Variants in YEATS2 observed in about 807,000 individuals in gnomAD.
The protein encoded by YEATS2 is YEATS domain-containing protein 2.
YEATS2 carries 77 observed loss-of-function variants against 163.2 expected under a neutral mutation model. That is an observed-to-expected ratio of 0.47 (90% CI 0.39 to 0.57). The LOEUF (loss-of-function observed/expected upper bound fraction) is 0.57. Ranked by LOEUF, YEATS2 falls within the 20% of genes least tolerant of loss-of-function variation. The pLI is 0.00. For missense variants in YEATS2, 1,549 were observed against 1,729.8 expected (o/e 0.90, Z 1.85); for synonymous variants, 631 against 645.1 (o/e 0.98, Z 0.33).
chr3:183,732,202 G>A (rs1471647092), intron 7 of YEATS2, among the ~76,000 whole-genome samples: 1 of 150,902 alleles, frequency 6.6e-6, no homozygotes, highest in Non-Finnish European at 1.5e-5. Flanking sequence ...TGTAATCCCA[G>A]CACTTTGGGA....
intron 21 of YEATS2, chr3:183,793,172 C>G: frequency 7.8e-7 from 1 of 1,288,190 alleles, no homozygotes; most frequent in East Asian, 5.6e-5. Context: ...TGAATATCAC[C>G]GAGATACACA....
chr3:183,704,834 G>A (rs1331184682), intron 1 of YEATS2, among the ~76,000 whole-genome samples: 3 of 151,908 alleles, frequency 2.0e-5, no homozygotes, highest in Non-Finnish European at 2.9e-5. Context: ...TTACCACATT[G>A]GCCAGGCTAG....
chr3:183,727,736 G>A (rs1179379013), intron 6 of YEATS2, among the ~76,000 whole-genome samples: 1 of 152,202 alleles, frequency 6.6e-6, no homozygotes, highest in Admixed American at 6.5e-5. Context: ...CATGATCAGG[G>A]TTTAAGGGAA....
chr3:183,718,996 A>C (rs113591637), intron 4 of YEATS2, among the ~76,000 whole-genome samples: 1 of 151,708 alleles, frequency 6.6e-6, no homozygotes. Flanking sequence ...TGCCTGGCCT[A>C]AAATACTTCT....
intron 8 of YEATS2, among the ~76,000 whole-genome samples, chr3:183,743,300 T>G: frequency 6.6e-6 from 1 of 152,068 alleles, no homozygotes; most frequent in East Asian, 1.9e-4. Flanking sequence ...CTGTTTTTGG[T>G]TGGTTTTCTC....
chr3:183,807,790 G>C, intron 28 of YEATS2: 1 of 428,070 alleles, frequency 2.3e-6, no homozygotes, highest in South Asian at 4.0e-5. Context: ...AAGGAGATTT[G>C]AGAGATTTTA....
intron 5 of YEATS2, 139 bp from the exon 6 acceptor site, chr3:183,724,280 A>T (rs1044858298): frequency 6.3e-5 from 38 of 605,416 alleles, no homozygotes; most frequent in Non-Finnish European, 1.0e-4. Context: ...ATGCTTTGAG[A>T]GGTGCTACAA....
intron 21 of YEATS2, among the ~76,000 whole-genome samples, chr3:183,794,625 C>T (rs1010969471): frequency 6.6e-6 from 1 of 152,178 alleles, no homozygotes; most frequent in Non-Finnish European, 1.5e-5. Flanking sequence ...AAATGCGTGA[C>T]CGGCTGAGGG....
chr3:183,708,920 G>T (rs1000302930), intron 1 of YEATS2, among the ~76,000 whole-genome samples: 1 of 151,988 alleles, frequency 6.6e-6, no homozygotes, highest in Non-Finnish European at 1.5e-5. Context: ...CCAGCATTTT[G>T]GGAGGCCGAG....
At chr3:183,760,602 G>A (rs1280609690) in intron 13 of YEATS2, among the ~76,000 whole-genome samples, 8 of 152,160 alleles carry the variant, frequency 5.3e-5, no homozygotes, top group African/African-American at 1.7e-4. Flanking sequence ...GATTACAGGC[G>A]TGAGCCGCTG....
Position 183,737,465 on chromosome 3 carries a change from A to G in YEATS2, c.924+636A>G, listed in dbSNP as rs150909010. Among the ~76,000 whole-genome samples, 128 of 152,358 alleles carry G rather than the reference A, an allele frequency of 8.4e-4. 2 individuals carry two copies. The East Asian group carries it at 0.021, about 25-fold the overall frequency. On this transcript the variant is annotated intron_variant, in intron 8 of 30. Transcript: ENST00000305135. Reference sequence around the variant, plus strand: ...AGAATCACTTTAGAGGACAATGCATATCCTTTAAAAAGATGAACAAAGTGG... The same window carrying G: ...AGAATCACTTTAGAGGACAATGCATGTCCTTTAAAAAGATGAACAAAGTGG...
At chr3:183,742,299 C>G (rs1719058442) in intron 8 of YEATS2, among the ~76,000 whole-genome samples, 1 of 152,070 alleles carries the variant, frequency 6.6e-6, no homozygotes, top group South Asian at 2.1e-4. Flanking sequence ...TGGATTTGGT[C>G]AAAGTAAATT....
chr3:183,760,965 G>A (rs563329448), intron 13 of YEATS2, among the ~76,000 whole-genome samples: 10 of 152,314 alleles, frequency 6.6e-5, no homozygotes, highest in Non-Finnish European at 1.5e-4. Flanking sequence ...AGTCTTTCCA[G>A]TGTACAGCAG....
rs57050296 is a variant in YEATS2 at position 183,755,741 on chromosome 3, C to CTTTTTTTTTTTTTTTT, written c.1391-773_1391-758dup. On this transcript the variant is annotated intron_variant, in intron 11 of 30. Coordinates refer to ENST00000305135, the MANE Select transcript of YEATS2 (RefSeq NM_018023.5). Reference sequence around the variant, plus strand: ...ACTTACTGATTTTCTTCCTTCCTTTCTTTTTTTTTTTTTTTTTTTTTTTTT... The same window carrying CTTTTTTTTTTTTTTTT: ...ACTTACTGATTTTCTTCCTTCCTTTCTTTTTTTTTTTTTTTTTTTTTTTTTTTTTTTTTTTTTTTTT... 3.6e-4 allele frequency among the ~76,000 whole-genome samples: 30 copies of CTTTTTTTTTTTTTTTT among 82,194 alleles called. 2 individuals are homozygous for CTTTTTTTTTTTTTTTT. Among genetic ancestry groups the CTTTTTTTTTTTTTTTT allele is most frequent in the African/African-American group, 1.4e-3 (23 of 16,552 alleles). The allele number at this position is 82,194 out of a possible 152,430, so 53.9% of individuals were successfully genotyped here. A position where few individuals can be genotyped will look rare whatever the true frequency, so the allele number is the denominator to read the frequency against.
In YEATS2 at chr3:183,797,952, A is replaced by G. The variant is rs1454210429; in HGVS notation, c.3127A>G (p.Ser1043Gly). Residue 1043 changes from serine to glycine, a missense_variant, in exon 22 of 31, where the codon AGT becomes GGT. Ser to Gly is a moderately conservative substitution (Grantham distance 56). Coordinates refer to ENST00000305135, the MANE Select transcript of YEATS2 (RefSeq NM_018023.5). Reference sequence around the variant, plus strand: ...GTTAAAGATTCACTCCAGTCAGTCCAGTCCGCAGCAGGCCGTCCTGACGAT... The same window carrying G: ...GTTAAAGATTCACTCCAGTCAGTCCGGTCCGCAGCAGGCCGTCCTGACGAT... ...GLLKIHSSQS[S>G]PQQAVLTIPS... is the part of the protein sequence containing the mutation. 1 of 1,614,170 alleles carries G rather than the reference A, an allele frequency of 6.2e-7. No individual in the cohort carries two copies. The highest frequency in any genetic ancestry group is 1.7e-5 in the Admixed American group (1 of 60,026).
rs1256445792 is a variant in YEATS2 at position 183,729,969 on chromosome 3, T to G, written c.812+1118T>G. On this transcript the variant is annotated intron_variant, in intron 7 of 30. Transcript: ENST00000305135. ...CCACCCAAAGTGCTGGGATTACAGG[T>G]GTGAGTCACCATGCCCGGCCTTATT... Among the ~76,000 whole-genome samples the G allele has an allele frequency of 2.9e-5, 4 of 139,312 alleles. No individual in the cohort carries two copies. In the East Asian group the frequency reaches 8.9e-4, roughly 31 times the overall value. The allele number at this position is 139,312 out of a possible 152,430, so 91.4% of individuals were successfully genotyped here. A position where few individuals can be genotyped will look rare whatever the true frequency, so the allele number is the denominator to read the frequency against.
chr3:183,785,682 A>T (rs758022684), intron 19 of YEATS2, among the ~76,000 whole-genome samples: 1 of 152,092 alleles, frequency 6.6e-6, no homozygotes, highest in Non-Finnish European at 1.5e-5. Flanking sequence ...AATAAAAAAT[A>T]TGTAATTTGT....
chr3:183,745,482 C>G (rs1309821525), intron 8 of YEATS2, among the ~76,000 whole-genome samples: 1 of 152,072 alleles, frequency 6.6e-6, no homozygotes. Context: ...TTTTAATGCT[C>G]TTCCCCTCCT....
chr3:183,737,552 TAA>T (rs1274360441), intron 8 of YEATS2, among the ~76,000 whole-genome samples: 3 of 152,230 alleles, frequency 2.0e-5, no homozygotes, highest in Non-Finnish European at 4.4e-5. Flanking sequence ...TTCTTGGGGC[TAA>T]GTTACTGAAA....
Sources: gnomAD v4.1 joint callset for allele counts (sites outside exome capture counted in the v4.1 genomes callset) on GRCh38, gnomAD v4.1.1 for gene constraint, MANE v1.5 for transcripts, NCBI Gene and HGNC (gene_info 2026-07-23, HGNC 2026-07-21) for gene names.